Variants in MAGI2 observed in about 807,000 individuals in gnomAD.
MAGI2 encodes the protein membrane-associated guanylate kinase, WW and PDZ domain-containing protein 2.
A neutral mutation model predicts 133.3 loss-of-function variants in MAGI2; 35 were observed. That is an observed-to-expected ratio of 0.26 (90% CI 0.20 to 0.35). MAGI2 has a LOEUF of 0.35. MAGI2 is among the 10% of genes least tolerant of loss of function. The probability of loss-of-function intolerance (pLI) is 1.00; values close to 1 mark genes in which losing one functional copy is unlikely to be tolerated. For missense variants in MAGI2, 1,636 were observed against 1,863.4 expected, an observed-to-expected ratio of 0.88 and a Z score of 2.25; for synonymous variants, 729 against 710.6, an observed-to-expected ratio of 1.03 and a Z score of -0.41.
intron 1 of MAGI2, among the ~76,000 whole-genome samples, chr7:79,039,567 A>G (rs933032446): frequency 6.6e-6 from 1 of 151,976 alleles, no homozygotes; most frequent in African/African-American, 2.4e-5. Context: ...CAGAGTGAAG[A>G]GACAACCTAC....
At chr7:78,414,527 A>G (rs1443953967) in intron 6 of MAGI2, among the ~76,000 whole-genome samples, 1 of 152,036 alleles carries the variant, frequency 6.6e-6, no homozygotes, top group Non-Finnish European at 1.5e-5. Context: ...TTAGTAGGAC[A>G]AAATTCAATA....
At chr7:79,410,359 G>A (rs921076371) in intron 1 of MAGI2, 2 of 152,148 alleles carry the variant, frequency 1.3e-5, no homozygotes, top group African/African-American at 4.8e-5. Context: ...GGAAGAAATT[G>A]AAAAGATAAA....
chr7:78,511,990 G>A (rs886153734), intron 4 of MAGI2, among the ~76,000 whole-genome samples: 27 of 151,958 alleles, frequency 1.8e-4, no homozygotes, highest in Non-Finnish European at 2.1e-4. Context: ...GGGGGTGGTG[G>A]CGGGCACCTG....
At chr7:78,458,093 C>T (rs113608702) in intron 6 of MAGI2, among the ~76,000 whole-genome samples, 11,973 of 151,828 alleles carry the variant, frequency 0.079, 597 homozygotes, top group African/African-American at 0.13. Context: ...GTCAGGAGAT[C>T]GATACCATCC....
chr7:78,840,894 AC>A (rs2151462406), intron 2 of MAGI2, among the ~76,000 whole-genome samples: 1 of 152,068 alleles, frequency 6.6e-6, no homozygotes, highest in Admixed American at 6.6e-5. Context: ...GTTATCATAA[AC>A]ATTTAAGAAA....
At position 78,160,101 on chromosome 7, in the gene MAGI2, A is replaced by G. The variant is rs1176190292; in HGVS notation, c.2769T>C (p.Ile923=). 1.9e-6 allele frequency: 3 copies of G among 1,610,670 alleles called. No individual in the cohort carries two copies. The South Asian group carries it at 3.3e-5, about 18-fold the overall frequency. ...SHSLQTSDVV[I]HRKENEGFGF... is the part of the protein sequence containing the mutation. ...CGAAGCCCTCATTCTCTTTGCGGTGAATGACCACATCACTGGTCTGCAGGC... is the reference window on the plus strand; with the variant it reads ...CGAAGCCCTCATTCTCTTTGCGGTGGATGACCACATCACTGGTCTGCAGGC... The change falls in exon 16 of 22, where the codon ATT becomes ATC. Residue 923 remains isoleucine, a synonymous_variant. Transcript: ENST00000354212.
intron 4 of MAGI2, among the ~76,000 whole-genome samples, chr7:78,511,323 T>C (rs1356803454): frequency 1.3e-5 from 2 of 151,914 alleles, no homozygotes; most frequent in East Asian, 1.9e-4. Context: ...TAATGAAAAG[T>C]GTAGGACACA....
intron 2 of MAGI2, among the ~76,000 whole-genome samples, chr7:78,868,441 A>G (rs567764186): frequency 6.6e-6 from 1 of 152,360 alleles, no homozygotes; most frequent in East Asian, 1.9e-4. Flanking sequence ...ACCAGAGCCC[A>G]TGCTCTACCT....
At chr7:78,848,204 A>G (rs1021772917) in intron 2 of MAGI2, among the ~76,000 whole-genome samples, 1 of 151,788 alleles carries the variant, frequency 6.6e-6, no homozygotes, top group East Asian at 2.0e-4. Flanking sequence ...TTTGGGGCTC[A>G]TCTTCCTCTA....
intron 1 of MAGI2, chr7:79,139,691 C>A (rs923346667): frequency 6.6e-6 from 1 of 152,146 alleles, no homozygotes; most frequent in African/African-American, 2.4e-5. Flanking sequence ...GATGAAGATA[C>A]ATGTCTACTT....
chr7:79,308,569 C>A (rs1348888559), intron 1 of MAGI2, among the ~76,000 whole-genome samples: 5 of 152,162 alleles, frequency 3.3e-5, no homozygotes, highest in African/African-American at 1.2e-4. Context: ...TGTCCACAAA[C>A]AAATAAAAGA....
At chr7:78,201,498 G>A (rs566994893) in intron 10 of MAGI2, among the ~76,000 whole-genome samples, 1 of 152,194 alleles carries the variant, frequency 6.6e-6, no homozygotes, top group Admixed American at 6.5e-5. Flanking sequence ...TCACCCTTAG[G>A]GATTTCTATT....
intron 1 of MAGI2, among the ~76,000 whole-genome samples, chr7:79,226,961 A>G (rs373536582): frequency 6.6e-6 from 1 of 152,190 alleles, no homozygotes; most frequent in African/African-American, 2.4e-5. Flanking sequence ...CTCTTAACCA[A>G]TATTGAAAGT....
At chr7:78,709,290 C>A (rs1044892926) in intron 2 of MAGI2, among the ~76,000 whole-genome samples, 2 of 152,020 alleles carry the variant, frequency 1.3e-5, no homozygotes, top group East Asian at 1.9e-4. Context: ...ACCCCCACCC[C>A]CACTCCACAC....
At chr7:78,453,729 C>G (rs1393578595) in intron 6 of MAGI2, among the ~76,000 whole-genome samples, 1 of 152,066 alleles carries the variant, frequency 6.6e-6, no homozygotes, top group African/African-American at 2.4e-5. Flanking sequence ...TAATTTCTAC[C>G]AAAAATCCCA....
At chr7:78,493,718 G>C (rs1163008065) in intron 5 of MAGI2, among the ~76,000 whole-genome samples, 3 of 152,112 alleles carry the variant, frequency 2.0e-5, no homozygotes, top group African/African-American at 7.2e-5. Flanking sequence ...CCCTGGAATA[G>C]TAATCAAGAG....
At chr7:78,413,697 G>A (rs1177029114) in intron 6 of MAGI2, among the ~76,000 whole-genome samples, 4 of 151,920 alleles carry the variant, frequency 2.6e-5, no homozygotes, top group African/African-American at 9.7e-5. Flanking sequence ...AAGATGAGAG[G>A]TAGGAAAAAC....
intron 3 of MAGI2, among the ~76,000 whole-genome samples, chr7:78,589,419 C>T (rs1803759180): frequency 6.6e-6 from 1 of 152,162 alleles, no homozygotes; most frequent in South Asian, 2.1e-4. Context: ...TGGACCCAGC[C>T]AGCCTGGCTC....
At chr7:78,555,284 A>G (rs1044213399) in intron 3 of MAGI2, among the ~76,000 whole-genome samples, 2 of 152,126 alleles carry the variant, frequency 1.3e-5, no homozygotes, top group African/African-American at 4.8e-5. Context: ...TTTCCTTATG[A>G]AGGCTTCCAT....
Sources: allele counts gnomAD v4.1 joint callset (sites outside exome capture counted in the v4.1 genomes callset), GRCh38; gene constraint gnomAD v4.1.1; transcripts MANE v1.5; gene names NCBI Gene and HGNC (gene_info 2026-07-23, HGNC 2026-07-21).